Variants in ANAPC10 observed in about 807,000 individuals in gnomAD.
The protein encoded by ANAPC10 is anaphase-promoting complex subunit 10.
In ANAPC10, 12 loss-of-function variants were observed where a neutral mutation model predicts 22.0. The ratio of observed to expected loss-of-function variants is 0.55; its 90% confidence interval spans 0.35 to 0.88. ANAPC10 has a LOEUF of 0.88. Among genes scored for constraint, ANAPC10 ranks in the 40% least tolerant of loss-of-function variants. The pLI is 0.01. For missense variants in ANAPC10, 188 were observed against 220.9 expected (o/e 0.85, Z 0.94); for synonymous variants, 65 against 69.5 (o/e 0.94, Z 0.32).
chr4:145,017,664 T>C (rs1276242125), intron 4 of ANAPC10, among the ~76,000 whole-genome samples: 1 of 152,152 alleles, frequency 6.6e-6, no homozygotes, highest in Non-Finnish European at 1.5e-5. Context: ...TAAAGACACA[T>C]GCACACGTAT....
chr4:145,069,228 G>A (rs774915897), intron 3 of ANAPC10, among the ~76,000 whole-genome samples: 1 of 152,110 alleles, frequency 6.6e-6, no homozygotes, highest in Non-Finnish European at 1.5e-5. Flanking sequence ...AATAAATGAG[G>A]TGAGCCCTAC....
intron 4 of ANAPC10, among the ~76,000 whole-genome samples, chr4:145,020,102 T>G (rs927676768): frequency 6.6e-6 from 1 of 152,056 alleles, no homozygotes; most frequent in Non-Finnish European, 1.5e-5. Flanking sequence ...AGCATCACCC[T>G]AATACCAAAA....
chr4:145,074,372 T>C (rs1055684512), intron 3 of ANAPC10, among the ~76,000 whole-genome samples: 6 of 152,102 alleles, frequency 3.9e-5, no homozygotes, highest in Non-Finnish European at 7.4e-5. Context: ...GTTTTTAATA[T>C]ATTCTATTCA....
At chr4:145,009,720 T>C (rs1246030230) in intron 4 of ANAPC10, among the ~76,000 whole-genome samples, 2 of 152,142 alleles carry the variant, frequency 1.3e-5, no homozygotes, top group Non-Finnish European at 2.9e-5. Flanking sequence ...ATAAAAACCC[T>C]AGAAGAAAAC....
chr4:145,016,896 G>A (rs1735254374), intron 4 of ANAPC10, among the ~76,000 whole-genome samples: 2 of 152,322 alleles, frequency 1.3e-5, no homozygotes, highest in East Asian at 1.9e-4. Context: ...AATAAATGGT[G>A]TTGGGAAAAC....
intron 4 of ANAPC10, among the ~76,000 whole-genome samples, chr4:145,047,615 G>C (rs1020932313): frequency 6.6e-6 from 1 of 151,768 alleles, no homozygotes; most frequent in Non-Finnish European, 1.5e-5. Flanking sequence ...ACTTCTCAAT[G>C]CCTTTCATTA....
At chr4:145,092,422 C>T (rs1272062027) in intron 2 of ANAPC10, among the ~76,000 whole-genome samples, 1 of 152,122 alleles carries the variant, frequency 6.6e-6, no homozygotes, top group East Asian at 1.9e-4. Flanking sequence ...AGGAATGGGG[C>T]AGCCCCCATT....
chr4:145,079,854 G>A (rs1470729725), intron 3 of ANAPC10, among the ~76,000 whole-genome samples: 4 of 151,998 alleles, frequency 2.6e-5, no homozygotes, highest in South Asian at 2.1e-4. Flanking sequence ...TGGCTCACAC[G>A]TATAATCCCA....
intron 4 of ANAPC10, among the ~76,000 whole-genome samples, chr4:145,018,831 TG>T (rs1015882320): frequency 5.9e-5 from 9 of 151,950 alleles, no homozygotes; most frequent in Admixed American, 1.3e-4. Flanking sequence ...GTTAAAGCAA[TG>T]GCAGTTAAAA....
At chr4:144,998,235 T>C (rs1214939157) in intron 4 of ANAPC10, among the ~76,000 whole-genome samples, 4 of 152,182 alleles carry the variant, frequency 2.6e-5, no homozygotes, top group Non-Finnish European at 4.4e-5. Flanking sequence ...GCGGACCTAA[T>C]AGACATCCAC....
intron 3 of ANAPC10, 26 bp from the exon 4 acceptor site, chr4:145,064,718 A>C: frequency 3.4e-6 from 5 of 1,489,090 alleles, no homozygotes; most frequent in Non-Finnish European, 4.5e-6. Flanking sequence ...TAAAAATAAC[A>C]TGCACTTCAT....
In ANAPC10 at chr4:145,010,282, A is replaced by G. The variant is rs148977430; in HGVS notation, c.328-14679T>C. ...CAGTGTGGCAATTCCTCAGGGATCT[A>G]GAACTAGAAATACCATTTGACCCAG... On this transcript the variant is annotated intron_variant, in intron 4 of 4. Transcript: ENST00000507656. Among the ~76,000 whole-genome samples, 616 of 152,316 alleles carry G rather than the reference A, an allele frequency of 4.0e-3. 9 individuals are homozygous for G. Among genetic ancestry groups the G allele is most frequent in the African/African-American group, 0.014 (571 of 41,544 alleles).
At chr4:145,015,503 G>GA (rs1213682960) in intron 4 of ANAPC10, among the ~76,000 whole-genome samples, 1 of 152,004 alleles carries the variant, frequency 6.6e-6, no homozygotes, top group East Asian at 1.9e-4. Context: ...TCTAAAAGCT[G>GA]AAAAAACGTA....
chr4:145,082,440 C>T (rs1017986331), intron 2 of ANAPC10, among the ~76,000 whole-genome samples: 10 of 152,220 alleles, frequency 6.6e-5, no homozygotes, highest in African/African-American at 2.2e-4. Context: ...TGAGCCACCA[C>T]GCCCAGCCGG....
intron 3 of ANAPC10, among the ~76,000 whole-genome samples, chr4:145,076,079 T>C (rs987682829): frequency 6.6e-6 from 1 of 152,190 alleles, no homozygotes; most frequent in Non-Finnish European, 1.5e-5. Flanking sequence ...GCCACTGCCA[T>C]AGCTTTTTCA....
At chr4:145,017,481 A>G (rs542723311) in intron 4 of ANAPC10, among the ~76,000 whole-genome samples, 11 of 152,326 alleles carry the variant, frequency 7.2e-5, no homozygotes, top group African/African-American at 2.6e-4. Context: ...CAGGTGCTGG[A>G]GAGGATGTGG....
chr4:145,075,603 G>A (rs546067082), intron 3 of ANAPC10, among the ~76,000 whole-genome samples: 87 of 152,246 alleles, frequency 5.7e-4, no homozygotes, highest in African/African-American at 2.0e-3. Context: ...GCTAGGAACC[G>A]TGAATGGGGT....
At chr4:145,025,640 G>T (rs1736552400) in intron 4 of ANAPC10, among the ~76,000 whole-genome samples, 1 of 152,094 alleles carries the variant, frequency 6.6e-6, no homozygotes, top group Non-Finnish European at 1.5e-5. Flanking sequence ...GATCACAGAT[G>T]ACCGTAACAG....
At chr4:145,071,608 G>A (rs1226523638) in intron 3 of ANAPC10, among the ~76,000 whole-genome samples, 1 of 152,074 alleles carries the variant, frequency 6.6e-6, no homozygotes, top group African/African-American at 2.4e-5. Flanking sequence ...AGGCATTTGA[G>A]AAAATCCAAA....
Sources: allele counts gnomAD v4.1 joint callset (sites outside exome capture counted in the v4.1 genomes callset), GRCh38; gene constraint gnomAD v4.1.1; transcripts MANE v1.5; gene names NCBI Gene and HGNC (gene_info 2026-07-23, HGNC 2026-07-21).